The following PRKAR2A variants were observed in gnomAD, a reference collection of about 807,000 sequenced individuals.
The protein encoded by PRKAR2A is protein kinase cAMP-dependent type II regulatory subunit alpha, also known as cAMP-dependent protein kinase type II-alpha regulatory subunit.
A neutral mutation model predicts 51.9 loss-of-function variants in PRKAR2A; 29 were observed. The ratio of observed to expected loss-of-function variants is 0.56; its 90% CI spans 0.42 to 0.76. The LOEUF (loss-of-function observed/expected upper bound fraction) is 0.76. Ranked by LOEUF, PRKAR2A falls within the 30% of genes least tolerant of loss-of-function variation. PRKAR2A has a pLI of 0.00. For missense variants in PRKAR2A, 445 were observed against 512.1 expected (o/e 0.87, Z 1.26); for synonymous variants, 178 against 186.2 (o/e 0.96, Z 0.36).
chr3:48,763,302 T>C (rs140154767), intron 8 of PRKAR2A, among the ~76,000 whole-genome samples: 2,151 of 152,200 alleles, frequency 0.014, 18 homozygotes, highest in Middle Eastern at 0.065. Flanking sequence ...AAAAGGGACC[T>C]ACAATAAGCC....
rs1419922307 is a variant in PRKAR2A, at chr3:48,829,665, TAC to T, written c.262+17668_262+17669del. ...AAATGTGTGTGTGTATACGTGTGTA[TAC>T]ACACACATAAATGTGTGTGTGTATA... On this transcript the variant is annotated intron_variant, in intron 1 of 10. Transcript: ENST00000265563. Among the ~76,000 whole-genome samples, 18 of 141,984 alleles carry T rather than the reference TAC, an allele frequency of 1.3e-4. 1 individual carries two copies. The South Asian group carries it at 1.7e-3, about 14-fold the overall frequency. The allele number at this position is 141,984 out of a possible 152,430, so 93.1% of individuals were successfully genotyped here. A position where few individuals can be genotyped will look rare whatever the true frequency, so the allele number is the denominator to read the frequency against.
rs377725568 is a variant in PRKAR2A, at chr3:48,773,027, T to C, written c.624A>G (p.Glu208=). ...GQYDNRGSFG[E]LALMYNTPRA... ...TCGGGGTGTTGTACATCAGAGCTAG[T>C]TCTCCAAAACTGCCACGGTTGTCAT... is the stretch of plus-strand genomic sequence containing the variant. The change falls in exon 6 of 11, where the codon GAA becomes GAG. Residue 208 remains glutamate (E), a synonymous_variant. Coordinates refer to ENST00000265563, the MANE Select transcript of PRKAR2A (RefSeq NM_004157.4). The C allele has an allele frequency of 6.2e-7, 1 of 1,613,882 alleles. No homozygotes were observed. The highest frequency in any genetic ancestry group is 1.3e-5 in the African/African-American group (1 of 74,918).
intron 1 of PRKAR2A, among the ~76,000 whole-genome samples, chr3:48,824,387 T>C (rs964988852): frequency 6.6e-6 from 1 of 151,316 alleles, no homozygotes; most frequent in Non-Finnish European, 1.5e-5. Flanking sequence ...AGAGCGAGAC[T>C]CTGTCTCCAA....
chr3:48,804,444 A>G (rs2082641834), intron 2 of PRKAR2A, among the ~76,000 whole-genome samples: 1 of 152,092 alleles, frequency 6.6e-6, no homozygotes, highest in Non-Finnish European at 1.5e-5. Context: ...ATGGGTACAG[A>G]GTGAGATCCT....
At chr3:48,832,750 T>C (rs879708395) in intron 1 of PRKAR2A, among the ~76,000 whole-genome samples, 3 of 152,122 alleles carry the variant, frequency 2.0e-5, no homozygotes, top group Admixed American at 6.6e-5. Context: ...TATAAAAAGA[T>C]CCTTAATGAG....
At chr3:48,765,403 T>C (rs920204589) in intron 6 of PRKAR2A, 54 bp from the exon 7 acceptor site, 3 of 1,264,276 alleles carry the variant, frequency 2.4e-6, no homozygotes, top group Admixed American at 4.8e-5. Flanking sequence ...GGAACATCTA[T>C]GGTTTAATTA....
intron 1 of PRKAR2A, among the ~76,000 whole-genome samples, chr3:48,810,619 G>GT (rs942770088): frequency 2.6e-5 from 4 of 151,622 alleles, no homozygotes; most frequent in African/African-American, 4.8e-5. Context: ...TTAAAAAAAT[G>GT]TTTTTTTAAT....
At chr3:48,799,985 G>A (rs1006829706) in intron 2 of PRKAR2A, among the ~76,000 whole-genome samples, 4 of 151,534 alleles carry the variant, frequency 2.6e-5, no homozygotes, top group Admixed American at 1.3e-4. Context: ...TCAGCCTCCC[G>A]AGTAGCTGGG....
chr3:48,765,273 G>A lies in PRKAR2A; in HGVS notation c.773C>T (p.Ser258Phe), dbSNP rs1300953461. 4 of 1,611,896 alleles carry A rather than the reference G, an allele frequency of 2.5e-6. No individual in the cohort carries two copies. The highest frequency in any genetic ancestry group is 1.3e-5 in the African/African-American group (1 of 74,844). The change falls in exon 7 of 11, where the codon TCT becomes TTT. Residue 258 changes from serine to phenylalanine, a missense_variant. Transcript: ENST00000265563. ...CTCTAGTGATTTAAGGAGGGGCACAGACTCAATAAATGATTCAAACATCTT... is the reference window on the plus strand; with the variant it reads ...CTCTAGTGATTTAAGGAGGGGCACAAACTCAATAAATGATTCAAACATCTT... ...KRKMFESFIESVPLLKSLEVS... is the reference protein window; with the variant it reads ...KRKMFESFIEFVPLLKSLEVS...
intron 2 of PRKAR2A, among the ~76,000 whole-genome samples, chr3:48,804,278 T>C (rs2082637885): frequency 6.6e-6 from 1 of 152,152 alleles, no homozygotes; most frequent in African/African-American, 2.4e-5. Flanking sequence ...CTAGGCAACA[T>C]GGCGAAACCC....
chr3:48,768,723 A>G (rs2081978017), intron 6 of PRKAR2A, among the ~76,000 whole-genome samples: 1 of 152,094 alleles, frequency 6.6e-6, no homozygotes, highest in African/African-American at 2.4e-5. Flanking sequence ...ATATTAAAAA[A>G]TACACAGAGG....
Position 48,748,071 on chromosome 3 carries a change from T to C in PRKAR2A, c.*3514A>G, listed in dbSNP as rs949930611. 1 of 151,934 alleles carries C rather than the reference T, an allele frequency of 6.6e-6. No individual in the cohort carries two copies. Among genetic ancestry groups the C allele is most frequent in the African/African-American group, 2.4e-5 (1 of 41,352 alleles). The allele number at this position is 151,934 out of a possible 1,614,324, so 9.4% of individuals were successfully genotyped here. On this transcript the variant is annotated 3_prime_UTR_variant, in exon 11 of 11. Coordinates refer to ENST00000265563, the MANE Select transcript of PRKAR2A (RefSeq NM_004157.4). The stretch of plus-strand genomic sequence containing the variant: ...AATAGAACCCTCTAGGGATCCTGTA[T>C]GCAGTGAGGGTCTGAACTGATGATC...
At chr3:48,753,651 A>G (rs916408796) in intron 9 of PRKAR2A, among the ~76,000 whole-genome samples, 1 of 152,046 alleles carries the variant, frequency 6.6e-6, no homozygotes, top group Non-Finnish European at 1.5e-5. Flanking sequence ...CATACACACC[A>G]GCTCCCGTAT....
intron 1 of PRKAR2A, 43 bp from the exon 2 acceptor site, chr3:48,807,727 A>G: frequency 6.4e-7 from 1 of 1,559,444 alleles, no homozygotes; most frequent in South Asian, 1.1e-5. Context: ...TTATGTCACC[A>G]GGCCGCATTT....
In PRKAR2A at chr3:48,847,480, G is replaced by T. The variant is rs1158243343; in HGVS notation, c.117C>A (p.Arg39=). The change falls in exon 1 of 11, where the codon CGC becomes CGA. Residue 39 remains arginine (R), a synonymous_variant. Coordinates refer to ENST00000265563, the MANE Select transcript of PRKAR2A (RefSeq NM_004157.4). The surrounding 1 kb of genome is among the most constrained non-coding windows in gnomAD (Gnocchi z 4.4). ...LVEFAVEYFT[R]LREARAPASV... is the part of the protein sequence containing the mutation. Reference sequence around the variant, plus strand: ...AGGCTGGGGCGCGGGCCTCGCGCAGGCGGGTGAAGTACTCCACTGCGAATT... The same window carrying T: ...AGGCTGGGGCGCGGGCCTCGCGCAGTCGGGTGAAGTACTCCACTGCGAATT... The T allele has an allele frequency of 6.4e-7, 1 of 1,559,116 alleles. No homozygotes were observed. Among genetic ancestry groups the T allele is most frequent in the Non-Finnish European group, 8.7e-7 (1 of 1,151,414 alleles).
intron 3 of PRKAR2A, 110 bp downstream of exon 3, chr3:48,793,887 A>G (rs1004262781): frequency 3.3e-6 from 3 of 907,138 alleles, no homozygotes; most frequent in Admixed American, 4.8e-5. Flanking sequence ...CACTTCAGTG[A>G]TATTTTAATT....
rs1444252302 is a variant in PRKAR2A, at chr3:48,751,033, G to A, written c.*552C>T. On this transcript the variant is annotated 3_prime_UTR_variant, in exon 11 of 11. Coordinates refer to ENST00000265563, the MANE Select transcript of PRKAR2A (RefSeq NM_004157.4). Reference sequence around the variant, plus strand: ...TGCAGCTGTCAGCAGAAAGTACAATGCCACTGGGCTACATATGTCCATATC... The same window carrying A: ...TGCAGCTGTCAGCAGAAAGTACAATACCACTGGGCTACATATGTCCATATC... 6.2e-6 allele frequency: 2 copies of A among 323,236 alleles called. No homozygotes were observed. Among genetic ancestry groups the A allele is most frequent in the African/African-American group, 4.3e-5 (2 of 46,220 alleles). 20.0% of individuals were successfully genotyped at this position (323,236 alleles called of 1,614,324 possible).
At chr3:48,830,805 G>A (rs1354982171) in intron 1 of PRKAR2A, among the ~76,000 whole-genome samples, 1 of 152,142 alleles carries the variant, frequency 6.6e-6, no homozygotes, top group Non-Finnish European at 1.5e-5. Context: ...AGTCCCATCT[G>A]GGAGTGATGA....
At chr3:48,772,215 T>C (rs1460382244) in intron 6 of PRKAR2A, among the ~76,000 whole-genome samples, 3 of 152,190 alleles carry the variant, frequency 2.0e-5, no homozygotes, top group Admixed American at 2.0e-4. Context: ...TCCATCTTGG[T>C]CTGAACCAGT....
Sources: allele counts gnomAD v4.1 joint callset (sites outside exome capture counted in the v4.1 genomes callset), GRCh38; gene constraint gnomAD v4.1.1; non-coding constraint Gnocchi (gnomAD v3.1); transcripts MANE v1.5; gene names NCBI Gene and HGNC (gene_info 2026-07-23, HGNC 2026-07-21).